Variants in OSTN observed in about 807,000 individuals in gnomAD.
OSTN encodes osteocrin.
A neutral mutation model predicts 12.0 loss-of-function variants in OSTN; 9 were observed. That is an observed-to-expected ratio of 0.75 (90% CI 0.45 to 1.30). The LOEUF is 1.30. Among genes scored for constraint, OSTN ranks in the 50% most tolerant of loss-of-function variants. The pLI is 0.00. For missense variants in OSTN, 148 were observed against 152.3 expected (o/e 0.97, Z 0.15); for synonymous variants, 59 against 56.9 (o/e 1.04, Z -0.16).
At chr3:191,256,438 A>G (rs1715672410) in intron 4 of OSTN, among the ~76,000 whole-genome samples, 1 of 152,170 alleles carries the variant, frequency 6.6e-6, no homozygotes, top group African/African-American at 2.4e-5. Context: ...ATCAAACATC[A>G]AAAGTTTAAA....
chr3:191,244,420 A>G (rs771781573), intron 3 of OSTN, among the ~76,000 whole-genome samples: 2 of 151,666 alleles, frequency 1.3e-5, no homozygotes, highest in Non-Finnish European at 2.9e-5. Context: ...TGCATATATC[A>G]TATAAGCCAT....
intron 4 of OSTN, among the ~76,000 whole-genome samples, chr3:191,258,712 G>C (rs1183133849): frequency 6.6e-6 from 1 of 151,360 alleles, no homozygotes; most frequent in Non-Finnish European, 1.5e-5. Flanking sequence ...CCCCAAAAGA[G>C]GAAAGCACCA....
chr3:191,218,716 A>C, intron 2 of OSTN, 31 bp from the exon 3 acceptor site: 1 of 1,582,824 alleles, frequency 6.3e-7, no homozygotes, highest in Non-Finnish European at 8.7e-7. Flanking sequence ...CTTTGTCTAA[A>C]TTAACGGAAT....
chr3:191,203,287 G>A (rs573268381), intron 1 of OSTN, among the ~76,000 whole-genome samples: 2 of 152,296 alleles, frequency 1.3e-5, no homozygotes, highest in South Asian at 4.1e-4. Flanking sequence ...AGATGCAATG[G>A]TGAACATGAC....
intron 3 of OSTN, among the ~76,000 whole-genome samples, chr3:191,223,980 G>T (rs921618260): frequency 6.6e-6 from 1 of 151,600 alleles, no homozygotes; most frequent in Non-Finnish European, 1.5e-5. Flanking sequence ...AATAGTAAAA[G>T]AATGAACAAA....
chr3:191,210,763 G>C (rs926999011), intron 1 of OSTN, among the ~76,000 whole-genome samples: 1 of 152,100 alleles, frequency 6.6e-6, no homozygotes, highest in Non-Finnish European at 1.5e-5. Flanking sequence ...CATTCATAAA[G>C]GATGAAGTTG....
intron 3 of OSTN, among the ~76,000 whole-genome samples, chr3:191,235,921 A>C (rs1288264228): frequency 6.6e-6 from 1 of 152,146 alleles, no homozygotes; most frequent in East Asian, 1.9e-4. Flanking sequence ...GATTTCATAG[A>C]CACTATTTTA....
intron 4 of OSTN, 137 bp downstream of exon 4, chr3:191,250,270 GT>G (rs2108552219): frequency 1.5e-6 from 1 of 658,486 alleles, no homozygotes; most frequent in East Asian, 2.7e-5. Flanking sequence ...AATCATTTAT[GT>G]ATGCAATGAG....
chr3:191,259,960 T>G (rs1715768481), intron 4 of OSTN, among the ~76,000 whole-genome samples: 1 of 149,728 alleles, frequency 6.7e-6, no homozygotes, highest in African/African-American at 2.4e-5. Context: ...GTTCAAGTGA[T>G]TCTCCTGCCT....
intron 1 of OSTN, among the ~76,000 whole-genome samples, chr3:191,200,759 G>A (rs1425445274): frequency 1.3e-5 from 2 of 152,140 alleles, no homozygotes; most frequent in East Asian, 3.9e-4. Flanking sequence ...CAGTATCACA[G>A]AAGTTTAGGA....
chr3:191,236,767 T>C (rs556377649), intron 3 of OSTN, among the ~76,000 whole-genome samples: 2 of 152,290 alleles, frequency 1.3e-5, no homozygotes, highest in South Asian at 2.1e-4. Flanking sequence ...ATAAACATTA[T>C]TAACTTGTTT....
In OSTN at chr3:191,212,546, G is replaced by A; in HGVS notation, c.14G>A (p.Arg5Lys). The A allele has an allele frequency of 6.3e-7, 1 of 1,586,368 alleles. No individual in the cohort carries two copies. Among genetic ancestry groups the A allele is most frequent in the Non-Finnish European group, 8.6e-7 (1 of 1,162,332 alleles). The change falls in exon 2 of 5, where the codon AGA becomes AAA. Residue 5 changes from arginine to lysine, a missense_variant. Transcript: ENST00000682035. ...TGTAACCCTTAGATGCTGGACTGGAGATTGGCAAGTGCACATTTCATCCTG... is the reference window on the plus strand; with the variant it reads ...TGTAACCCTTAGATGCTGGACTGGAAATTGGCAAGTGCACATTTCATCCTG... Reference protein sequence around the residue: MLDWRLASAHFILAV... With the variant: MLDWKLASAHFILAV...
chr3:191,204,009 TC>T (rs1714213417), intron 1 of OSTN, among the ~76,000 whole-genome samples: 1 of 152,184 alleles, frequency 6.6e-6, no homozygotes, highest in Admixed American at 6.5e-5. Flanking sequence ...TGCCTCAGCC[TC>T]CAGAGTGGCT....
intron 2 of OSTN, among the ~76,000 whole-genome samples, chr3:191,214,620 A>G (rs1041600038): frequency 2.7e-5 from 4 of 150,908 alleles, no homozygotes; most frequent in Admixed American, 6.6e-5. Flanking sequence ...GTATTTTAAA[A>G]GAGACTTGCT....
chr3:191,223,505 G>A (rs765859437), intron 3 of OSTN, among the ~76,000 whole-genome samples: 5 of 152,120 alleles, frequency 3.3e-5, no homozygotes, highest in Non-Finnish European at 5.9e-5. Flanking sequence ...CAGGTAAAAC[G>A]TGATAGTACA....
chr3:191,217,117 A>C (rs1714631806), intron 2 of OSTN: 1 of 152,282 alleles, frequency 6.6e-6, no homozygotes, highest in African/African-American at 2.4e-5. Flanking sequence ...ATCATGGTGG[A>C]AGGCAAAGGG....
chr3:191,233,127 G>C (rs1715102731), intron 3 of OSTN, among the ~76,000 whole-genome samples: 1 of 151,980 alleles, frequency 6.6e-6, no homozygotes, highest in Admixed American at 6.5e-5. Flanking sequence ...GGTCCACCAG[G>C]AGATGGAAAC....
At chr3:191,251,384 C>A (rs574552937) in intron 4 of OSTN, among the ~76,000 whole-genome samples, 1 of 152,276 alleles carries the variant, frequency 6.6e-6, no homozygotes, top group African/African-American at 2.4e-5. Flanking sequence ...TGCCCGCTCC[C>A]TAACAAATAA....
intron 4 of OSTN, 45 bp downstream of exon 4, chr3:191,250,178 T>G (rs983503404): frequency 2.9e-6 from 4 of 1,396,298 alleles, no homozygotes; most frequent in Non-Finnish European, 4.1e-6. Context: ...GGTATTTGAT[T>G]AATATTTCAC....
Sources: allele counts gnomAD v4.1 joint callset (sites outside exome capture counted in the v4.1 genomes callset), GRCh38; gene constraint gnomAD v4.1.1; transcripts MANE v1.5; gene names NCBI Gene and HGNC (gene_info 2026-07-23, HGNC 2026-07-21).